OR2C1: variants seen among roughly 807,000 people sequenced by gnomAD.
OR2C1 encodes olfactory receptor family 2 subfamily C member 1.
For missense variants in OR2C1, 468 were observed against 388.3 expected (o/e 1.21, Z -1.73); for synonymous variants, 209 against 167.3 (o/e 1.25, Z -1.92).
At chr16:3,342,825 C>T in the OR2C1 span, among the ~76,000 whole-genome samples, 2 of 151,952 alleles carry the variant, frequency 1.3e-5, no homozygotes, top group African/African-American at 2.4e-5. Flanking sequence ...TGCAGTGAGC[C>T]GAGATCGCTG....
At chr16:3,351,000 A>C (rs1479737972), upstream of OR2C1, among the ~76,000 whole-genome samples, 1 of 143,898 alleles carries the variant, frequency 6.9e-6, no homozygotes, top group Non-Finnish European at 1.5e-5. Flanking sequence ...ATCATTGCAC[A>C]CTCCAGCCTG....
In OR2C1 at chr16:3,356,849, G is replaced by A. The variant is rs749705455; in HGVS notation, c.909G>A (p.Arg303=). The change falls in exon 1 of 1, where the codon AGG becomes AGA. Residue 303 remains arginine, a synonymous_variant. Coordinates refer to ENST00000304936, the MANE Select transcript of OR2C1 (RefSeq NM_012368.3). ...RNMEVKGALR[R]LLGKGREVG ...TGGAAGTGAAGGGCGCACTGAGGAG[G>A]TTGCTGGGGAAAGGAAGAGAAGTTG... The A allele has an allele frequency of 5.6e-5, 90 of 1,604,328 alleles. No homozygotes were observed. In the South Asian group the frequency reaches 9.7e-4, roughly 17 times the overall value.
downstream of OR2C1, among the ~76,000 whole-genome samples, chr16:3,358,051 T>G (rs1437353784): frequency 6.6e-6 from 1 of 152,060 alleles, no homozygotes; most frequent in Admixed American, 6.6e-5. Context: ...TATCTCTCCA[T>G]CATCTTGTTT....
At chr16:3,333,557 A>G in the OR2C1 span, among the ~76,000 whole-genome samples, 3,980 of 152,068 alleles carry the variant, frequency 0.026, 170 homozygotes, top group African/African-American at 0.091. Flanking sequence ...GGATGGTCTC[A>G]ATCTCCTGAC....
the OR2C1 span, among the ~76,000 whole-genome samples, chr16:3,337,589 A>AT: frequency 0.015 from 2,352 of 152,032 alleles, 32 homozygotes; most frequent in South Asian, 0.033. Context: ...TTCCTGTTTG[A>AT]TTTTTTTTAA....
the OR2C1 span, among the ~76,000 whole-genome samples, chr16:3,350,392 G>T: frequency 2.4e-3 from 356 of 148,276 alleles, 1 homozygote; most frequent in African/African-American, 8.5e-3. Context: ...TGGTTGGTTG[G>T]TTTTTTTGTT....
Position 3,356,073 on chromosome 16 carries a change from A to G in OR2C1, c.133A>G (p.Ile45Val), listed in dbSNP as rs759769878. ...YLLTLLGNSTIILLSRLEARL... is the reference protein window; with the variant it reads ...YLLTLLGNSTVILLSRLEARL... ...GCTGACCCTACTTGGGAACTCAACC[A>G]TCATCTTGCTTTCCCGCCTGGAGGC... Residue 45 changes from isoleucine to valine, a missense_variant, in exon 1 of 1, where the codon ATC (isoleucine) becomes GTC (valine). Physicochemically the swap from Ile to Val is conservative, Grantham distance 29 (BLOSUM62 3). Transcript: ENST00000304936. The G allele has an allele frequency of 6.2e-7, 1 of 1,614,054 alleles. No individual in the cohort carries two copies. Among genetic ancestry groups the G allele is most frequent in the East Asian group, 2.2e-5 (1 of 44,862 alleles).
chr16:3,355,553 A>C (rs1463106671), upstream of OR2C1, among the ~76,000 whole-genome samples: 1 of 151,464 alleles, frequency 6.6e-6, no homozygotes, highest in African/African-American at 2.4e-5. Flanking sequence ...AGGCTGAGGC[A>C]GATGGATCAC....
the OR2C1 span, among the ~76,000 whole-genome samples, chr16:3,328,556 C>T: frequency 6.6e-6 from 1 of 152,196 alleles, no homozygotes; most frequent in African/African-American, 2.4e-5. Context: ...AAAAACCTAG[C>T]ACCTGTCTCC....
At chr16:3,336,712 C>CTTTTTT in the OR2C1 span, among the ~76,000 whole-genome samples, 6 of 96,784 alleles carry the variant, frequency 6.2e-5, no homozygotes, top group African/African-American at 2.1e-4. Context: ...TTCTTTCTTT[C>CTTTTTT]TTTTTTTTTT....
At chr16:3,347,355 A>G in the OR2C1 span, among the ~76,000 whole-genome samples, 1 of 151,672 alleles carries the variant, frequency 6.6e-6, no homozygotes, top group Non-Finnish European at 1.5e-5. Flanking sequence ...GGATTGCACC[A>G]CTGCACTCCA....
the OR2C1 span, among the ~76,000 whole-genome samples, chr16:3,340,549 GT>G: frequency 6.6e-6 from 1 of 152,120 alleles, no homozygotes; most frequent in Non-Finnish European, 1.5e-5. Context: ...ATTTACCCGT[GT>G]TTCCTTCTAA....
chr16:3,323,629 C>CA, the OR2C1 span: 1 of 721,698 alleles, frequency 1.4e-6, no homozygotes, highest in Non-Finnish European at 2.5e-6. Context: ...CCAGTAGACT[C>CA]ACGCCAACAA....
At chr16:3,325,930 CTTTT>C in the OR2C1 span, among the ~76,000 whole-genome samples, 2 of 127,976 alleles carry the variant, frequency 1.6e-5, no homozygotes, top group Admixed American at 7.8e-5. Flanking sequence ...CAAGTGCATT[CTTTT>C]TTTTTTTTTT....
chr16:3,327,940 T>C, the OR2C1 span, among the ~76,000 whole-genome samples: 1 of 152,200 alleles, frequency 6.6e-6, no homozygotes, highest in East Asian at 1.9e-4. Flanking sequence ...CTGCTTGATT[T>C]TATTTTGTTT....
the OR2C1 span, among the ~76,000 whole-genome samples, chr16:3,331,611 G>C: frequency 6.6e-6 from 1 of 151,638 alleles, no homozygotes; most frequent in South Asian, 2.1e-4. Context: ...CATATGGCTA[G>C]CCAGTTTTCC....
chr16:3,335,520 C>CTTTTTTTTTTTT, the OR2C1 span, among the ~76,000 whole-genome samples: 10 of 55,406 alleles, frequency 1.8e-4, no homozygotes, highest in South Asian at 1.0e-3. Flanking sequence ...AATGCTACTG[C>CTTTTTTTTTTTT]TTTTTTTTTT....
At chr16:3,341,145 G>T in the OR2C1 span, among the ~76,000 whole-genome samples, 3 of 151,876 alleles carry the variant, frequency 2.0e-5, no homozygotes, top group African/African-American at 4.8e-5. Context: ...GTAATTTTCA[G>T]TGTACAAGTC....
At chr16:3,329,748 CTTTTT>C in the OR2C1 span, among the ~76,000 whole-genome samples, 21,520 of 62,120 alleles carry the variant, frequency 0.35, 2,920 homozygotes, top group East Asian at 0.48. Flanking sequence ...GGCGCCCGGC[CTTTTT>C]TTTTTTTTTT....
Sources: allele counts gnomAD v4.1 joint callset (sites outside exome capture counted in the v4.1 genomes callset), GRCh38; gene constraint gnomAD v4.1.1; transcripts MANE v1.5; gene names NCBI Gene and HGNC (gene_info 2026-07-23, HGNC 2026-07-21).